The following FOXJ2 variants were observed in gnomAD, a reference collection of about 807,000 sequenced individuals.
The protein encoded by FOXJ2 is forkhead box J2.
In FOXJ2, 18 loss-of-function variants were observed where a neutral mutation model predicts 68.4. The observed-to-expected ratio is 0.26, with a 90% CI of 0.18 to 0.39. The LOEUF (loss-of-function observed/expected upper bound fraction) is 0.39, where lower values mean the gene tolerates loss of function less well. Ranked by LOEUF, FOXJ2 falls within the 10% of genes least tolerant of loss-of-function variation. FOXJ2 has a pLI of 1.00. For synonymous variants in FOXJ2, 274 were observed against 263.2 expected, an observed-to-expected ratio of 1.04 and a Z score of -0.40; for missense variants, 670 against 726.5, an observed-to-expected ratio of 0.92 and a Z score of 0.89.
chr12:8,051,898 G>A (rs1947130900), intron 10 of FOXJ2, among the ~76,000 whole-genome samples: 1 of 152,050 alleles, frequency 6.6e-6, no homozygotes, highest in African/African-American at 2.4e-5. Flanking sequence ...GTCTTTTTCT[G>A]TTGCCCAGGC....
In FOXJ2 at chr12:8,053,582, T is replaced by C. The variant is rs1439866537; in HGVS notation, c.*732T>C. 1.3e-5 allele frequency: 2 copies of C among 152,568 alleles called. No individual in the cohort carries two copies. Among genetic ancestry groups the C allele is most frequent in the African/African-American group, 2.4e-5 (1 of 41,436 alleles). 9.5% of individuals were successfully genotyped at this position (152,568 alleles called of 1,614,324 possible). A position where few individuals can be genotyped will look rare whatever the true frequency, so the allele number is the denominator to read the frequency against. ...GTGTGAAACTGAGTATACACTGCCA[T>C]GTTACATCAGTGTCCATTGGCTTGT... is the stretch of plus-strand genomic sequence containing the variant. On this transcript the variant is annotated 3_prime_UTR_variant, in exon 11 of 11. Coordinates refer to ENST00000162391, the MANE Select transcript of FOXJ2 (RefSeq NM_018416.3). The surrounding 1 kb of genome is among the most constrained non-coding windows in gnomAD (Gnocchi z 4.1).
At chr12:8,049,299 G>T (rs1947081619) in intron 8 of FOXJ2, 63 bp from the exon 9 acceptor site, 7 of 1,340,048 alleles carry the variant, frequency 5.2e-6, no homozygotes, top group Non-Finnish European at 6.3e-6. Flanking sequence ...GTGAGATAGG[G>T]CGGGGTCTGA....
In FOXJ2 at chr12:8,050,137, A is replaced by AT. The variant is rs553763949; in HGVS notation, c.1538-375dup. 1,754 of 193,168 alleles carry AT rather than the reference A, an allele frequency of 9.1e-3. 19 individuals carry two copies. Among genetic ancestry groups the AT allele is most frequent in the African/African-American group, 0.03 (1,237 of 41,566 alleles). The allele number at this position is 193,168 out of a possible 1,614,324, so 12.0% of individuals were successfully genotyped here. On this transcript the variant is annotated intron_variant, in intron 9 of 10. Transcript: ENST00000162391. ...AGGTGTGTACCACCATGCCCAGCTA[A>AT]TTTTTTTTTTGTATTTTGTGTATAG...
In FOXJ2 at chr12:8,044,830, CT is replaced by C. The variant is rs755159298; in HGVS notation, c.690del (p.Leu232SerfsTer20). ...ASGRESAEGP[P>X]PLYNTNHDFK... Reference sequence around the variant, plus strand: ...GGCCGAGAAAGTGCTGAGGGTCCCCCTCCCCTCTATAACACCAACCATGACT... The same window carrying C: ...GGCCGAGAAAGTGCTGAGGGTCCCCCCCCCTCTATAACACCAACCATGACT... On this transcript the variant is annotated frameshift_variant, in exon 6 of 11. Transcript: ENST00000162391. LOFTEE classifies it high-confidence loss of function. 1 of 1,613,986 alleles carries C rather than the reference CT, an allele frequency of 6.2e-7. No homozygotes were observed. Among genetic ancestry groups the C allele is most frequent in the Non-Finnish European group, 8.5e-7 (1 of 1,179,888 alleles).
At position 8,035,769 on chromosome 12, in the gene FOXJ2, G is replaced by A. The variant is rs771592078; in HGVS notation, c.-15+1936G>A. Reference sequence around the variant, plus strand: ...ACTGAGTGGGATTAACTGTGGTTTAGAGAGTGTGCTTTCCCAGACCATGTC... The same window carrying A: ...ACTGAGTGGGATTAACTGTGGTTTAAAGAGTGTGCTTTCCCAGACCATGTC... On this transcript the variant is annotated intron_variant, in intron 1 of 10. Transcript: ENST00000162391. This position sits in a 1 kb window ranked among gnomAD's most constrained non-coding sequence, Gnocchi z 4.0. Among the ~76,000 whole-genome samples the A allele has an allele frequency of 2.8e-4, 42 of 152,298 alleles. No homozygotes were observed. Among genetic ancestry groups the A allele is most frequent in the African/African-American group, 9.6e-4 (40 of 41,550 alleles).
At position 8,032,784 on chromosome 12, in the gene FOXJ2, C is replaced by T. The variant is rs1591572805; in HGVS notation, c.-1064C>T. The T allele has an allele frequency of 2.0e-5, 8 of 398,330 alleles. No homozygotes were observed. In the East Asian group the frequency reaches 2.5e-4, roughly 12 times the overall value. The allele number at this position is 398,330 out of a possible 1,614,324, so 24.7% of individuals were successfully genotyped here. The stretch of plus-strand genomic sequence containing the variant: ...ACTGTCTGCCCGCCTTCTGGCTCCC[C>T]GGGAGCCCAGACTGGTCGGAGCCCG... On this transcript the variant is annotated 5_prime_UTR_variant, in exon 1 of 11. Coordinates refer to ENST00000162391, the MANE Select transcript of FOXJ2 (RefSeq NM_018416.3). This position sits in a 1 kb window ranked among gnomAD's most constrained non-coding sequence, Gnocchi z 4.8.
chr12:8,044,938 C>A lies in FOXJ2; in HGVS notation c.797C>A (p.Ser266Tyr), dbSNP rs1340699197. The change falls in exon 6 of 11, where the codon TCC becomes TAC. Residue 266 changes from serine to tyrosine, a missense_variant. Transcript: ENST00000162391. ...RNLYKSMLEK[S>Y]SSSSQHGFSS... ...CTCTATAAGTCCATGCTGGAGAAGT[C>A]CTCTTCCTCCTCTCAGCACGGTGAG... 3.1e-6 allele frequency: 5 copies of A among 1,614,102 alleles called. No individual in the cohort carries two copies. The highest frequency in any genetic ancestry group is 4.2e-6 in the Non-Finnish European group (5 of 1,180,040).
chr12:8,047,546 A>G (rs1229459125), intron 6 of FOXJ2, among the ~76,000 whole-genome samples: 3 of 151,626 alleles, frequency 2.0e-5, no homozygotes, highest in Non-Finnish European at 2.9e-5. Flanking sequence ...ACACTAGATG[A>G]CCAGGGATGG....
chr12:8,052,652 C>A, intron 10 of FOXJ2, 110 bp from the exon 11 acceptor site: 2 of 875,178 alleles, frequency 2.3e-6, no homozygotes, highest in African/African-American at 1.6e-5. Context: ...GGGCGATAGC[C>A]TCACAAGGCC....
chr12:8,037,245 G>A (rs1248913469), intron 1 of FOXJ2, among the ~76,000 whole-genome samples: 5 of 152,198 alleles, frequency 3.3e-5, no homozygotes. Context: ...GGGAAGTGAA[G>A]AGGGTGAGGA....
chr12:8,048,991 A>C (rs1947078145), intron 8 of FOXJ2, among the ~76,000 whole-genome samples, 193 bp downstream of exon 8: 1 of 152,220 alleles, frequency 6.6e-6, no homozygotes, highest in African/African-American at 2.4e-5. Context: ...CTTAACTGAA[A>C]ATGTGGCAGT....
At position 8,040,017 on chromosome 12, in the gene FOXJ2, A is replaced by G. The variant is rs369499195; in HGVS notation, c.185A>G (p.His62Arg). ...ATLSKDEAAV[H>R]QDGKPRYSYA... ...CTGAGCAAAGACGAGGCAGCAGTGC[A>G]CCAGGACGGCAAGCCACGATACAGC... Residue 62 changes from histidine (H) to arginine (R), a missense_variant, in exon 2 of 11, where the codon CAC (histidine) becomes CGC (arginine). By Grantham distance (29) the His-to-Arg change is conservative. Coordinates refer to ENST00000162391, the MANE Select transcript of FOXJ2 (RefSeq NM_018416.3). The surrounding 1 kb of genome is among the most constrained non-coding windows in gnomAD (Gnocchi z 4.0). 2.0e-4 allele frequency: 326 copies of G among 1,614,026 alleles called. No individual in the cohort carries two copies. The highest frequency in any genetic ancestry group is 2.6e-4 in the Non-Finnish European group (305 of 1,180,024).
At chr12:8,044,343 G>A (rs1229252221) in intron 5 of FOXJ2, among the ~76,000 whole-genome samples, 1 of 152,230 alleles carries the variant, frequency 6.6e-6, no homozygotes, top group East Asian at 1.9e-4. Context: ...GGGAGGTCGA[G>A]GCAGGCGGAT....
At chr12:8,043,574 C>T in intron 3 of FOXJ2, 127 bp from the exon 4 acceptor site, 1 of 894,562 alleles carries the variant, frequency 1.1e-6, no homozygotes. Context: ...TGTGTTTGGA[C>T]CACAGGATTA....
In FOXJ2 at chr12:8,044,080, A is replaced by AGCT. The variant is rs1217118744; in HGVS notation, c.608_610dup (p.Ser203_Tyr204insCys). 4.6e-6 allele frequency: 7 copies of AGCT among 1,538,398 alleles called. No individual in the cohort carries two copies. Among genetic ancestry groups the AGCT allele is most frequent in the Non-Finnish European group, 6.1e-6 (7 of 1,145,632 alleles). ...ACTTCAGAGCCCCACATCTATAGCC[A>AGCT]GCTACAGCCAGGTAGGAAGCAGATA... On this transcript the variant is annotated inframe_insertion, in exon 5 of 11. Transcript: ENST00000162391.
chr12:8,045,272 G>A (rs1372535274), intron 6 of FOXJ2, among the ~76,000 whole-genome samples: 4 of 149,364 alleles, frequency 2.7e-5, no homozygotes, highest in Admixed American at 1.3e-4. Flanking sequence ...AGGCTGGAGT[G>A]CAGTGGCGCA....
chr12:8,041,650 A>G (rs955066325), intron 2 of FOXJ2, among the ~76,000 whole-genome samples: 2 of 151,478 alleles, frequency 1.3e-5, no homozygotes, highest in Non-Finnish European at 2.9e-5. Context: ...AGCTGGGACT[A>G]CAGGCATACA....
In FOXJ2 at chr12:8,040,004, G is replaced by A. The variant is rs1946944150; in HGVS notation, c.172G>A (p.Glu58Lys). The A allele has an allele frequency of 5.6e-6, 9 of 1,613,960 alleles. No individual in the cohort carries two copies. The highest frequency in any genetic ancestry group is 2.2e-5 in the South Asian group (2 of 91,088). ...TDPNATLSKDEAAVHQDGKPR... is the reference protein window; with the variant it reads ...TDPNATLSKDKAAVHQDGKPR... ...TCCTAATGCCACCCTGAGCAAAGAC[G>A]AGGCAGCAGTGCACCAGGACGGCAA... is the stretch of plus-strand genomic sequence containing the variant. The change falls in exon 2 of 11, where the codon GAG (glutamate) becomes AAG (lysine). Residue 58 changes from glutamate to lysine, a missense_variant. By Grantham distance (56) the Glu-to-Lys change is moderately conservative. Transcript: ENST00000162391. This position sits in a 1 kb window ranked among gnomAD's most constrained non-coding sequence, Gnocchi z 4.0.
At chr12:8,048,663 T>C in intron 7 of FOXJ2, 34 bp from the exon 8 acceptor site, 1 of 1,575,222 alleles carries the variant, frequency 6.3e-7, no homozygotes, top group South Asian at 1.1e-5. Context: ...CACTTCACTC[T>C]ATCTTATTAT....
Sources: allele counts gnomAD v4.1 joint callset (sites outside exome capture counted in the v4.1 genomes callset), GRCh38; gene constraint gnomAD v4.1.1; non-coding constraint Gnocchi (gnomAD v3.1); transcripts MANE v1.5; gene names NCBI Gene and HGNC (gene_info 2026-07-23, HGNC 2026-07-21).